The following DOCK10 variants were observed in gnomAD, a reference collection of about 807,000 sequenced individuals.
The protein encoded by DOCK10 is dedicator of cytokinesis 10, also known as dedicator of cytokinesis protein 10.
In DOCK10, 145 loss-of-function variants were observed where a neutral mutation model predicts 280.1. That is an observed-to-expected ratio of 0.52 (90% CI 0.45 to 0.59). The LOEUF (loss-of-function observed/expected upper bound fraction) is 0.59. DOCK10 is among the 20% of genes least tolerant of loss of function. DOCK10 has a pLI of 0.00. For missense variants in DOCK10, 2,368 were observed against 2,651.7 expected (o/e 0.89, Z 2.35); for synonymous variants, 915 against 942.2 (o/e 0.97, Z 0.53).
intron 2 of DOCK10, among the ~76,000 whole-genome samples, chr2:224,919,833 A>ATTT (rs1559763159): frequency 1.3e-5 from 2 of 152,102 alleles, no homozygotes; most frequent in African/African-American, 4.8e-5. Flanking sequence ...GGATCTAGAG[A>ATTT]CATCAATGAT....
chr2:224,824,285 C>A (rs891624998), intron 27 of DOCK10, among the ~76,000 whole-genome samples: 1 of 152,092 alleles, frequency 6.6e-6, no homozygotes, highest in Non-Finnish European at 1.5e-5. Flanking sequence ...AAGGGCTTGG[C>A]TGTGAGATGA....
Position 224,808,027 on chromosome 2 carries a change from G to C in DOCK10, c.3469C>G (p.Leu1157Val). The change falls in exon 32 of 56, where the codon CTG becomes GTG. Residue 1157 changes from leucine (L) to valine (V), a missense_variant. By Grantham distance (32) the Leu-to-Val change is conservative. Transcript: ENST00000258390. ...FCRKHFLIGI[L>V]LREVGFALQE... ...AGGGCAAAGCCAACTTCTCGGAGCA[G>C]AATTCCGATTAAGAAGTGTTTGCGA... The C allele has an allele frequency of 6.2e-7, 1 of 1,612,806 alleles. No individual in the cohort carries two copies. The highest frequency in any genetic ancestry group is 8.5e-7 in the Non-Finnish European group (1 of 1,179,358).
At chr2:224,804,060 C>A in intron 39 of DOCK10, 52 bp downstream of exon 39, 1 of 935,674 alleles carries the variant, frequency 1.1e-6, no homozygotes, top group Non-Finnish European at 1.7e-6. Flanking sequence ...CATATACAGA[C>A]ACACACACAC....
chr2:224,879,332 AC>A (rs1698834907), intron 7 of DOCK10, among the ~76,000 whole-genome samples: 1 of 152,226 alleles, frequency 6.6e-6, no homozygotes. Flanking sequence ...AAGAAGGGCT[AC>A]AAAATCACCT....
chr2:224,910,166 G>A (rs929828905), intron 3 of DOCK10, among the ~76,000 whole-genome samples: 2 of 152,166 alleles, frequency 1.3e-5, no homozygotes, highest in Non-Finnish European at 2.9e-5. Flanking sequence ...GACCAATAAC[G>A]TTGCTTAATA....
At chr2:224,997,052 T>C (rs1706291015) in intron 1 of DOCK10, among the ~76,000 whole-genome samples, 1 of 152,188 alleles carries the variant, frequency 6.6e-6, no homozygotes, top group Non-Finnish European at 1.5e-5. Context: ...AAGATCTTTG[T>C]TTGCCCTACA....
intron 17 of DOCK10, 61 bp from the exon 18 acceptor site, chr2:224,852,503 C>T: frequency 7.4e-7 from 1 of 1,358,228 alleles, no homozygotes; most frequent in African/African-American, 1.5e-5. Flanking sequence ...ATAAAAAACC[C>T]AAGTGCCTAA....
chr2:224,934,212 A>T (rs1702555758), intron 1 of DOCK10, among the ~76,000 whole-genome samples: 2 of 152,208 alleles, frequency 1.3e-5, no homozygotes, highest in Non-Finnish European at 2.9e-5. Flanking sequence ...GCATAATTTT[A>T]GGTATTCATT....
At chr2:224,900,794 A>C (rs1031260426) in intron 3 of DOCK10, among the ~76,000 whole-genome samples, 3 of 152,252 alleles carry the variant, frequency 2.0e-5, no homozygotes, top group Non-Finnish European at 4.4e-5. Context: ...CAGTTTTCTC[A>C]GCAAGTTTGT....
At chr2:224,900,137 C>T (rs1467170503) in intron 3 of DOCK10, among the ~76,000 whole-genome samples, 8 of 152,130 alleles carry the variant, frequency 5.3e-5, no homozygotes, top group South Asian at 2.1e-4. Context: ...TATGTTTGAC[C>T]ATGATAAACA....
At position 224,852,579 on chromosome 2, in the gene DOCK10, T is replaced by C. The variant is rs1452759058; in HGVS notation, c.2077-137A>G. 2.3e-5 allele frequency: 16 copies of C among 704,522 alleles called. No individual in the cohort carries two copies. The African/African-American group carries it at 2.5e-4, about 11-fold the overall frequency. 43.6% of individuals were successfully genotyped at this position (704,522 alleles called of 1,614,324 possible). On this transcript the variant is annotated intron_variant, in intron 17 of 55. Transcript: ENST00000258390. ...CAACATTTTCTTGTGACATTATCCA[T>C]AATCTTTTGAAATAACAGAAGGATC...
At chr2:225,018,033 C>T (rs1419334071) in intron 1 of DOCK10, among the ~76,000 whole-genome samples, 3 of 152,058 alleles carry the variant, frequency 2.0e-5, no homozygotes, top group Non-Finnish European at 4.4e-5. Flanking sequence ...GAACGGCCCC[C>T]TAGGTGTCCC....
At chr2:224,806,079 A>G (rs1693374360) in intron 34 of DOCK10, 47 bp downstream of exon 34, 1 of 1,101,772 alleles carries the variant, frequency 9.1e-7, no homozygotes, top group Non-Finnish European at 1.3e-6. Flanking sequence ...TACAATGTAA[A>G]GGTGGATGAG....
Position 224,921,096 on chromosome 2 carries a change from A to ATATAT in DOCK10, c.244-4313_244-4312insATATA, listed in dbSNP as rs1480408193. On this transcript the variant is annotated intron_variant, in intron 2 of 55. Transcript: ENST00000258390. ...ATGGGAAAACACCGTCTCTATTAAA[A>ATATAT]AAAAAAAAAAAAAAAAATATATATA... Among the ~76,000 whole-genome samples the ATATAT allele has an allele frequency of 3.1e-3, 94 of 29,930 alleles. 1 individual carries two copies. The highest frequency in any genetic ancestry group is 4.5e-3 in the Non-Finnish European group (71 of 15,932). The allele number at this position is 29,930 out of a possible 152,430, so 19.6% of individuals were successfully genotyped here. A position where few individuals can be genotyped will look rare whatever the true frequency, so the allele number is the denominator to read the frequency against.
chr2:225,035,573 T>TATATATA (rs1553634926), intron 1 of DOCK10, among the ~76,000 whole-genome samples: 6 of 44,134 alleles, frequency 1.4e-4, no homozygotes, highest in East Asian at 1.2e-3. Context: ...TATATATATA[T>TATATATA]ATATATATAT....
chr2:225,001,748 G>A (rs529379189), intron 1 of DOCK10, among the ~76,000 whole-genome samples: 6 of 152,294 alleles, frequency 3.9e-5, no homozygotes, highest in African/African-American at 7.2e-5. Flanking sequence ...GTCCATGATC[G>A]AGGCGTCGGC....
rs1319950469 is a variant in DOCK10, at chr2:224,844,788, C to T, written c.2533G>A (p.Val845Met). The change falls in exon 22 of 56, where the codon GTG (valine) becomes ATG (methionine). Residue 845 changes from valine to methionine, a missense_variant. By Grantham distance (21) the Val-to-Met change is conservative. Transcript: ENST00000258390. Reference protein sequence around the residue: ...WVDGGKPLFKVSTFVVSTVNT... With the variant: ...WVDGGKPLFKMSTFVVSTVNT... ...ACTGTTGATACAACAAATGTCGACA[C>T]TTTGAAAAGTGGTTTGCCACCATCA... 6.2e-7 allele frequency: 1 copy of T among 1,604,802 alleles called. No homozygotes were observed. Among genetic ancestry groups the T allele is most frequent in the Non-Finnish European group, 8.5e-7 (1 of 1,175,354 alleles).
intron 3 of DOCK10, among the ~76,000 whole-genome samples, chr2:224,913,837 C>T (rs1410004574): frequency 1.3e-5 from 2 of 152,186 alleles, no homozygotes; most frequent in East Asian, 3.9e-4. Flanking sequence ...ACACCATTCT[C>T]TGGCCTCCCC....
rs779409668 is a variant in DOCK10 at position 224,970,895 on chromosome 2, G to GT, written c.124-39228dup. ...GTATTTTGTAGCTAGCATCTATGTA[G>GT]TTTCACTTAAAATTCTGCACATACC... On this transcript the variant is annotated intron_variant, in intron 1 of 55. Coordinates refer to ENST00000258390, the MANE Select transcript of DOCK10 (RefSeq NM_014689.3). This position sits in a 1 kb window ranked among gnomAD's most constrained non-coding sequence, Gnocchi z 4.6. Among the ~76,000 whole-genome samples, 5 of 152,142 alleles carry GT rather than the reference G, an allele frequency of 3.3e-5. No homozygotes were observed. Among genetic ancestry groups the GT allele is most frequent in the Non-Finnish European group, 7.3e-5 (5 of 68,030 alleles).
Sources: gnomAD v4.1 joint callset for allele counts (sites outside exome capture counted in the v4.1 genomes callset) on GRCh38, gnomAD v4.1.1 for gene constraint, Gnocchi (gnomAD v3.1) non-coding constraint, MANE v1.5 for transcripts, NCBI Gene and HGNC (gene_info 2026-07-23, HGNC 2026-07-21) for gene names.